The following ABCA6 variants were observed in gnomAD, a reference collection of about 807,000 sequenced individuals.
ABCA6 encodes ATP binding cassette subfamily A member 6.
ABCA6 carries 164 observed loss-of-function variants against 191.2 expected under a neutral mutation model. That is an observed-to-expected ratio of 0.86 (90% CI 0.76 to 0.98). ABCA6 has a LOEUF of 0.98. Among genes scored for constraint, ABCA6 ranks in the 50% least tolerant of loss-of-function variants. ABCA6 has a pLI of 0.00. For missense variants in ABCA6, 1,958 were observed against 1,894.1 expected (o/e 1.03, Z -0.63); for synonymous variants, 636 against 647.7 (o/e 0.98, Z 0.27).
At chr17:69,132,527 C>CTGGA (rs2073882223) in intron 6 of ABCA6, among the ~76,000 whole-genome samples, 1 of 152,206 alleles carries the variant, frequency 6.6e-6, no homozygotes, top group Non-Finnish European at 1.5e-5. Flanking sequence ...GTCGCCCAGG[C>CTGGA]TGGAGTGCAG....
intron 34 of ABCA6, among the ~76,000 whole-genome samples, chr17:69,083,629 T>C (rs148328569): frequency 1.3e-5 from 2 of 152,270 alleles, no homozygotes; most frequent in Non-Finnish European, 2.9e-5. Flanking sequence ...TGGGTGGAGA[T>C]ATAGATCAAA....
Position 69,107,776 on chromosome 17 carries a change from C to G in ABCA6, c.2309G>C (p.Gly770Ala). The change falls in exon 18 of 39, where the codon GGA becomes GCA. Residue 770 changes from glycine (G) to alanine (A), a missense_variant. Transcript: ENST00000284425. ...CATGGAAATGTCATAACCTGTCACT[C>G]CCTGGTCAGAACACTTATCCAGATC... ...FSDLDKCSDQ[G>A]VTGYDISMST... 1 of 1,612,506 alleles carries G rather than the reference C, an allele frequency of 6.2e-7. No individual in the cohort carries two copies. Among genetic ancestry groups the G allele is most frequent in the Non-Finnish European group, 8.5e-7 (1 of 1,179,236 alleles).
Position 69,091,016 on chromosome 17 carries a change from C to A in ABCA6, c.3528+127G>T, listed in dbSNP as rs183937426. 58 of 939,110 alleles carry A rather than the reference C, an allele frequency of 6.2e-5. No individual in the cohort carries two copies. The African/African-American group carries it at 9.1e-4, about 15-fold the overall frequency. 58.2% of individuals were successfully genotyped at this position (939,110 alleles called of 1,614,324 possible). On this transcript the variant is annotated intron_variant, in intron 26 of 38. Transcript: ENST00000284425. The stretch of plus-strand genomic sequence containing the variant: ...CTTTTGAACATTTTCATCATCCCCC[C>A]AAAATCTCTTATGCCCATTTGCTGT...
intron 6 of ABCA6, among the ~76,000 whole-genome samples, 198 bp downstream of exon 6, chr17:69,133,443 G>A (rs2073898674): frequency 6.6e-6 from 1 of 152,166 alleles, no homozygotes; most frequent in African/African-American, 2.4e-5. Context: ...GACATTCACG[G>A]CACAGAAAAA....
At chr17:69,126,228 T>A (rs1216300420) in intron 8 of ABCA6, among the ~76,000 whole-genome samples, 2 of 152,146 alleles carry the variant, frequency 1.3e-5, no homozygotes, top group African/African-American at 4.8e-5. Context: ...ATCAGTTGCA[T>A]CTCTCTACAT....
At position 69,129,646 on chromosome 17, in the gene ABCA6, G is replaced by T; in HGVS notation, c.897C>A (p.Val299=). ...CATATAAAAAAAAGAGTATAAATAT[G>T]ACCATGAAGCCAGTCATGACTATAA... ...TQIIVMTGFM[V]IFILFFLYGL... is the part of the protein sequence containing the mutation. Residue 299 remains valine, a synonymous_variant, in exon 7 of 39, where the codon GTC becomes GTA. Transcript: ENST00000284425. The T allele has an allele frequency of 3.1e-6, 5 of 1,601,818 alleles. No homozygotes were observed. In the South Asian group the frequency reaches 4.4e-5, roughly 14 times the overall value.
chr17:69,115,319 G>A lies in ABCA6; in HGVS notation c.1606+57C>T, dbSNP rs2073516297. On this transcript the variant is annotated intron_variant, in intron 12 of 38. Transcript: ENST00000284425. ...TTAAAATTTAAAATGAGAGGCATATGCTTGACCTCATTCTATTATAAGACA... is the reference window on the plus strand; with the variant it reads ...TTAAAATTTAAAATGAGAGGCATATACTTGACCTCATTCTATTATAAGACA... 7 of 1,297,094 alleles carry A rather than the reference G, an allele frequency of 5.4e-6. No individual in the cohort carries two copies. The East Asian group carries it at 1.2e-4, about 22-fold the overall frequency. The allele number at this position is 1,297,094 out of a possible 1,614,324, so 80.3% of individuals were successfully genotyped here.
chr17:69,094,525 TA>T (rs556989883), intron 25 of ABCA6: 143 of 154,138 alleles, frequency 9.3e-4, no homozygotes, highest in Non-Finnish European at 1.6e-3. Flanking sequence ...ATCTTGTCTA[TA>T]ATGTTTTCCA....
At chr17:69,105,761 A>G (rs1042544291) in intron 19 of ABCA6, 133 bp from the exon 20 acceptor site, 6 of 794,494 alleles carry the variant, frequency 7.6e-6, no homozygotes, top group Non-Finnish European at 5.9e-6. Context: ...AATTCTGAAG[A>G]TAATACCCTA....
intron 20 of ABCA6, chr17:69,104,600 T>C (rs2073249891): frequency 6.7e-6 from 1 of 150,298 alleles, no homozygotes; most frequent in African/African-American, 2.4e-5. Context: ...TTGTTTGTTT[T>C]AACATCTGAG....
rs201465039 is a variant in ABCA6 at position 69,081,069 on chromosome 17, C to T, written c.4693G>A (p.Ala1565Thr). ...ATTTGAATGTGGTCACTCTTACCTG[C>T]TTCTAATTTGTGAAAGGTCTGTGAT... ...PLSQTFHKLEAVKHNFNLEEY... is the reference protein window; with the variant it reads ...PLSQTFHKLETVKHNFNLEEY... The change falls in exon 37 of 39, where the codon GCA becomes ACA. Residue 1565 changes from alanine (A) to threonine (T), a missense_variant. Physicochemically the swap from Ala to Thr is moderately conservative, Grantham distance 58. Coordinates refer to ENST00000284425, the MANE Select transcript of ABCA6 (RefSeq NM_080284.3). 9 of 1,590,200 alleles carry T rather than the reference C, an allele frequency of 5.7e-6. No homozygotes were observed. Among genetic ancestry groups the T allele is most frequent in the East Asian group, 2.2e-5 (1 of 44,460 alleles).
Position 69,083,300 on chromosome 17 carries a change from C to T in ABCA6, c.4387G>A (p.Glu1463Lys), listed in dbSNP as rs143326198. 2 of 1,602,344 alleles carry T rather than the reference C, an allele frequency of 1.2e-6. No individual in the cohort carries two copies. Among genetic ancestry groups the T allele is most frequent in the East Asian group, 4.5e-5 (2 of 44,710 alleles). The change falls in exon 35 of 39, where the codon GAG (glutamate) becomes AAG (lysine). Residue 1463 changes from glutamate to lysine, a missense_variant. Transcript: ENST00000284425. ...QAIQAVVKNTERGVLLTTHNL... is the reference protein window; with the variant it reads ...QAIQAVVKNTKRGVLLTTHNL... The stretch of plus-strand genomic sequence containing the variant: ...TGGGTGGTCAGGAGGACACCTCTCT[C>T]TGTGTTTTTAACGACTGCCTGGATT...
intron 24 of ABCA6, 124 bp downstream of exon 24, chr17:69,096,504 G>C: frequency 1.2e-6 from 1 of 854,030 alleles, no homozygotes; most frequent in Non-Finnish European, 1.7e-6. Flanking sequence ...CATGCACTTT[G>C]CATGTTTTTT....
At chr17:69,080,857 G>A in intron 37 of ABCA6, among the ~76,000 whole-genome samples, 1 of 152,206 alleles carries the variant, frequency 6.6e-6, no homozygotes, top group East Asian at 1.9e-4. Context: ...CTGCAGCTTC[G>A]GTCCCTGCAC....
At chr17:69,131,519 T>C (rs1294479940) in intron 6 of ABCA6, among the ~76,000 whole-genome samples, 6 of 152,170 alleles carry the variant, frequency 3.9e-5, no homozygotes, top group Admixed American at 3.9e-4. Flanking sequence ...AGGAACCACT[T>C]GCAGGGGTGG....
intron 25 of ABCA6, chr17:69,094,714 C>T: frequency 6.3e-6 from 1 of 158,486 alleles, no homozygotes. Context: ...ATACGGTAAG[C>T]CAGGGGCAAC....
intron 36 of ABCA6, among the ~76,000 whole-genome samples, chr17:69,082,576 G>T (rs1223245039): frequency 2.0e-5 from 3 of 152,114 alleles, no homozygotes; most frequent in Non-Finnish European, 4.4e-5. Flanking sequence ...ACACCATTGT[G>T]GTCCTGTGTG....
intron 4 of ABCA6, chr17:69,135,709 C>A (rs1354023661): frequency 3.1e-6 from 1 of 322,644 alleles, no homozygotes; most frequent in Non-Finnish European, 5.6e-6. Flanking sequence ...CCAGGTAGGA[C>A]TTCTCTAATC....
At chr17:69,136,041 T>C in intron 4 of ABCA6, 51 bp downstream of exon 4, 1 of 1,547,920 alleles carries the variant, frequency 6.5e-7, no homozygotes, top group Non-Finnish European at 8.9e-7. Flanking sequence ...CTCTGTTCTT[T>C]ATGTTGAAAA....
Sources: allele counts gnomAD v4.1 joint callset (sites outside exome capture counted in the v4.1 genomes callset), GRCh38; gene constraint gnomAD v4.1.1; transcripts MANE v1.5; gene names NCBI Gene and HGNC (gene_info 2026-07-23, HGNC 2026-07-21).